The following NSD1 variants were observed in gnomAD, a reference collection of about 807,000 sequenced individuals.
NSD1 encodes nuclear receptor binding SET domain protein 1, also known as histone-lysine N-methyltransferase, H3 lysine-36 specific.
NSD1 carries 26 observed loss-of-function variants against 242.7 expected under a neutral mutation model. The observed-to-expected ratio is 0.11, with a 90% CI of 0.08 to 0.15. NSD1 has a LOEUF of 0.15. Among genes scored for constraint, NSD1 ranks in the 10% least tolerant of loss-of-function variants. The probability of loss-of-function intolerance (pLI) is 1.00; values close to 1 mark genes in which losing one functional copy is unlikely to be tolerated. For missense variants in NSD1, 2,495 were observed against 3,272.8 expected, an observed-to-expected ratio of 0.76 and a Z score of 5.80; for synonymous variants, 1,106 against 1,178.1, an observed-to-expected ratio of 0.94 and a Z score of 1.25.
intron 2 of NSD1, among the ~76,000 whole-genome samples, chr5:177,185,604 C>T (rs1422259611): frequency 7.0e-6 from 1 of 143,356 alleles, no homozygotes; most frequent in African/African-American, 2.6e-5. Context: ...CTCAAAAAAA[C>T]AAAACCAAAT....
rs139000812 is a variant in NSD1, at chr5:177,294,102, C to T, written c.6734C>T (p.Ala2245Val). The T allele has an allele frequency of 1.2e-6, 2 of 1,613,968 alleles. No individual in the cohort carries two copies. The highest frequency in any genetic ancestry group is 1.3e-5 in the African/African-American group (1 of 74,898). The change falls in exon 23 of 23, where the codon GCT becomes GTT. Residue 2245 changes from alanine to valine, a missense_variant. Ala to Val is a moderately conservative substitution (Grantham distance 64). Around this residue, in one of 19 missense-constraint regions of NSD1, gnomAD observed 475 missense variants for 563.7 expected, o/e 0.84. Transcript: ENST00000439151. ...GCAGAGCAATCAACAGGAATGGCTGCTCAGGCACCCAAAATGTCAGATAAA... is the reference window on the plus strand; with the variant it reads ...GCAGAGCAATCAACAGGAATGGCTGTTCAGGCACCCAAAATGTCAGATAAA... ...HLAEQSTGMA[A>V]QAPKMSDKPP... is the part of the protein sequence containing the mutation.
In NSD1 at chr5:177,135,484, A is replaced by T. The variant is rs1212116881; in HGVS notation, c.381A>T (p.Lys127Asn). The change falls in exon 2 of 23, where the codon AAA becomes AAT. Residue 127 changes from lysine to asparagine, a missense_variant. By Grantham distance (94) the Lys-to-Asn change is moderately conservative. Around this residue, in one of 19 missense-constraint regions of NSD1, gnomAD observed 376 missense variants for 367.4 expected, o/e 1.02. Transcript: ENST00000439151. ...SPGGPTALAMKQEPSCNNSPE... is the reference protein window; with the variant it reads ...SPGGPTALAMNQEPSCNNSPE... Reference sequence around the variant, plus strand: ...GTGGTCCTACAGCACTTGCTATGAAACAGGAACCCTCTTGTAATAACTCCC... The same window carrying T: ...GTGGTCCTACAGCACTTGCTATGAATCAGGAACCCTCTTGTAATAACTCCC... 4.3e-6 allele frequency: 7 copies of T among 1,614,104 alleles called. No homozygotes were observed. Among genetic ancestry groups the T allele is most frequent in the Non-Finnish European group, 5.9e-6 (7 of 1,180,056 alleles).
chr5:177,281,902 A>G (rs1758925174), intron 18 of NSD1, among the ~76,000 whole-genome samples: 1 of 152,096 alleles, frequency 6.6e-6, no homozygotes, highest in Admixed American at 6.6e-5. Flanking sequence ...ATCCTCCCAG[A>G]GTGTTGGGTT....
At chr5:177,242,630 C>T (rs773980425) in intron 8 of NSD1, among the ~76,000 whole-genome samples, 2 of 151,902 alleles carry the variant, frequency 1.3e-5, no homozygotes, top group African/African-American at 4.8e-5. Context: ...CAGGTTCATG[C>T]GATTCTCCTA....
intron 5 of NSD1, among the ~76,000 whole-genome samples, chr5:177,218,438 A>C (rs1455726064): frequency 1.3e-5 from 2 of 151,864 alleles, no homozygotes; most frequent in African/African-American, 4.8e-5. Context: ...TTCTACCTCA[A>C]GTGTGAAGGT....
intron 20 of NSD1, among the ~76,000 whole-genome samples, chr5:177,285,656 G>T (rs999179771): frequency 6.6e-6 from 1 of 151,600 alleles, no homozygotes; most frequent in African/African-American, 2.4e-5. Context: ...GTTTTGCAAG[G>T]ATATGAGCAA....
intron 2 of NSD1, among the ~76,000 whole-genome samples, chr5:177,155,838 A>G (rs771120140): frequency 6.6e-6 from 1 of 151,166 alleles, no homozygotes; most frequent in South Asian, 2.1e-4. Flanking sequence ...GGTGTCCGCT[A>G]ATTTTTGTAT....
In NSD1 at chr5:177,211,382, C is replaced by T. The variant is rs2149846774; in HGVS notation, c.2983C>T (p.Leu995=). 3.1e-6 allele frequency: 5 copies of T among 1,614,110 alleles called. No individual in the cohort carries two copies. Among genetic ancestry groups the T allele is most frequent in the Non-Finnish European group, 2.5e-6 (3 of 1,180,030 alleles). The part of the protein sequence containing the change: ...SALSGELSAS[L]PGLLSDKRDL... ...ATTATCTGGCGAGTTGTCTGCTTCC[C>T]TACCTGGCTTACTGTCCGACAAGAG... The change falls in exon 5 of 23, where the codon CTA becomes TTA. Residue 995 remains leucine, a synonymous_variant. Coordinates refer to ENST00000439151, the MANE Select transcript of NSD1 (RefSeq NM_022455.5).
At chr5:177,135,042 G>T in intron 1 of NSD1, 45 bp from the exon 2 acceptor site, 1 of 1,531,682 alleles carries the variant, frequency 6.5e-7, no homozygotes, top group Non-Finnish European at 9.0e-7. Flanking sequence ...AGTCGAGTCA[G>T]ATGGCCTATT....
intron 20 of NSD1, among the ~76,000 whole-genome samples, chr5:177,287,591 T>C (rs1350385872): frequency 6.6e-6 from 1 of 151,946 alleles, no homozygotes; most frequent in Non-Finnish European, 1.5e-5. Context: ...AGCCGGGATC[T>C]CACCACCTTA....
chr5:177,292,028 T>A lies in NSD1; in HGVS notation c.6333T>A (p.Gly2111=), dbSNP rs1759877370. ...AACAGGGAAAGCGCAGGACCCAGGG[T>A]GAAATCACAAAGGAGCGAGAAGATG... is the stretch of plus-strand genomic sequence containing the variant. The part of the protein sequence containing the change: ...KKQQGKRRTQ[G]EITKEREDEC... The change falls in exon 22 of 23, where the codon GGT becomes GGA. Residue 2111 remains glycine (G), a synonymous_variant. Transcript: ENST00000439151. The A allele has an allele frequency of 1.9e-6, 3 of 1,614,000 alleles. No homozygotes were observed. The highest frequency in any genetic ancestry group is 2.5e-6 in the Non-Finnish European group (3 of 1,179,990).
chr5:177,218,199 C>G (rs1320129942), intron 5 of NSD1, among the ~76,000 whole-genome samples: 1 of 152,144 alleles, frequency 6.6e-6, no homozygotes, highest in Non-Finnish European at 1.5e-5. Flanking sequence ...AGGTGTGCAC[C>G]ATGACACCTG....
chr5:177,173,854 A>G (rs1206095264), intron 2 of NSD1, among the ~76,000 whole-genome samples: 1 of 152,218 alleles, frequency 6.6e-6, no homozygotes, highest in Non-Finnish European at 1.5e-5. Context: ...TCTGAGAACA[A>G]TAGTCATTCA....
chr5:177,171,784 A>G (rs753264040), intron 2 of NSD1, among the ~76,000 whole-genome samples: 4 of 152,242 alleles, frequency 2.6e-5, no homozygotes, highest in Non-Finnish European at 5.9e-5. Context: ...AGTGTGTATC[A>G]GGACTTCTTT....
Position 177,294,941 on chromosome 5 carries a change from G to C in NSD1, c.7573G>C (p.Asp2525His). ...TGGGAAAGCAGCAGCCCCTTCAGAG[G>C]ACCCCTGGCAAGCTGTTAAATCACT... ...TSGKAAAPSE[D>H]PWQAVKSLTQ... The change falls in exon 23 of 23, where the codon GAC becomes CAC. Residue 2525 changes from aspartate to histidine, a missense_variant. Asp to His is a moderately conservative substitution (Grantham distance 81). Coordinates refer to ENST00000439151, the MANE Select transcript of NSD1 (RefSeq NM_022455.5). 7.4e-6 allele frequency: 12 copies of C among 1,614,180 alleles called. No homozygotes were observed. Among genetic ancestry groups the C allele is most frequent in the Non-Finnish European group, 1.0e-5 (12 of 1,180,016 alleles).
chr5:177,178,634 T>G (rs946020927), intron 2 of NSD1, among the ~76,000 whole-genome samples: 1 of 152,240 alleles, frequency 6.6e-6, no homozygotes, highest in Non-Finnish European at 1.5e-5. Flanking sequence ...AGACAGGGTC[T>G]TACCCTGTCA....
chr5:177,282,061 G>T (rs1214504219), intron 18 of NSD1, among the ~76,000 whole-genome samples: 1 of 152,236 alleles, frequency 6.6e-6, no homozygotes, highest in Non-Finnish European at 1.5e-5. Flanking sequence ...GTAGCATAAT[G>T]AATAGGGAGG....
chr5:177,179,936 T>C lies in NSD1; in HGVS notation c.928-11948T>C, dbSNP rs78574001. ...TTTTTTATTTTTTTGAGACTTGCCC[T>C]GTCGCTCAGGCTGGGGTGCAGTGGT... On this transcript the variant is annotated intron_variant, in intron 2 of 22. Coordinates refer to ENST00000439151, the MANE Select transcript of NSD1 (RefSeq NM_022455.5). Among the ~76,000 whole-genome samples the C allele has an allele frequency of 5.3e-5, 8 of 152,168 alleles. No homozygotes were observed. The East Asian group carries it at 1.5e-3, about 29-fold the overall frequency.
At chr5:177,246,549 C>T (rs892884957) in intron 9 of NSD1, 129 bp from the exon 10 acceptor site, 7 of 720,644 alleles carry the variant, frequency 9.7e-6, no homozygotes, top group South Asian at 4.5e-5. Context: ...TTATTTCCCC[C>T]GTTTTCCTAA....
Sources: allele counts gnomAD v4.1 joint callset (sites outside exome capture counted in the v4.1 genomes callset), GRCh38; gene constraint gnomAD v4.1.1; regional missense constraint gnomAD v4.1.1; transcripts MANE v1.5; gene names NCBI Gene and HGNC (gene_info 2026-07-23, HGNC 2026-07-21).